The following CLEC4A variants were observed in gnomAD, a reference collection of about 807,000 sequenced individuals.
CLEC4A encodes the protein C-type lectin domain family 4 member A.
In CLEC4A, 27 loss-of-function variants were observed where a neutral mutation model predicts 32.7. The observed-to-expected ratio is 0.83, with a 90% CI of 0.61 to 1.14. The LOEUF (loss-of-function observed/expected upper bound fraction) is 1.14. Ranked by LOEUF, CLEC4A falls within the 50% of genes most tolerant of loss-of-function variation. CLEC4A has a pLI of 0.00. For missense variants in CLEC4A, 253 were observed against 274.6 expected, an observed-to-expected ratio of 0.92 and a Z score of 0.55; for synonymous variants, 89 against 93.7, an observed-to-expected ratio of 0.95 and a Z score of 0.29.
chr12:8,109,828 G>C, the CLEC4A span, among the ~76,000 whole-genome samples: 2 of 152,030 alleles, frequency 1.3e-5, no homozygotes, highest in African/African-American at 4.8e-5. Context: ...GGCTCTCCAG[G>C]TGTGTAATGG....
intron 3 of CLEC4A, among the ~76,000 whole-genome samples, chr12:8,130,520 C>A (rs1947979920): frequency 6.6e-6 from 1 of 151,784 alleles, no homozygotes; most frequent in Non-Finnish European, 1.5e-5. Flanking sequence ...CAAAGGTGCC[C>A]ACTACCACAC....
At chr12:8,136,713 G>A in intron 4 of CLEC4A, 75 bp from the exon 5 acceptor site, 2 of 859,442 alleles carry the variant, frequency 2.3e-6, no homozygotes. Flanking sequence ...TTTTCTTCTT[G>A]TTTCTCTAAG....
rs114360664 is a variant in CLEC4A at position 8,138,214 on chromosome 12, G to T, written c.641G>T (p.Arg214Ile). 2,005 of 1,614,204 alleles carry T rather than the reference G, an allele frequency of 1.2e-3. 25 individuals carry two copies. In the African/African-American group the frequency reaches 0.024, roughly 20 times the overall value. ...VVLNFRKSPK[R>I]WGWNDVNCLG... is the part of the protein sequence containing the mutation. ...CTAAATTTTCGTAAATCACCCAAAA[G>T]ATGGGGCTGGAATGATGTTAATTGT... Residue 214 changes from arginine (R) to isoleucine (I), a missense_variant, in exon 6 of 6, where the codon AGA becomes ATA. By Grantham distance (97) the Arg-to-Ile change is moderately conservative. Coordinates refer to ENST00000229332, the MANE Select transcript of CLEC4A (RefSeq NM_016184.4).
In CLEC4A at chr12:8,138,207, C is replaced by T. The variant is rs760500905; in HGVS notation, c.634C>T (p.Pro212Ser). The T allele has an allele frequency of 6.2e-7, 1 of 1,614,150 alleles. No individual in the cohort carries two copies. The highest frequency in any genetic ancestry group is 8.5e-7 in the Non-Finnish European group (1 of 1,180,026). Residue 212 changes from proline (P) to serine (S), a missense_variant, in exon 6 of 6, where the codon CCC becomes TCC. Transcript: ENST00000229332. Reference protein sequence around the residue: ...RCVVLNFRKSPKRWGWNDVNC... With the variant: ...RCVVLNFRKSSKRWGWNDVNC... ...CGTTGTGCTAAATTTTCGTAAATCA[C>T]CCAAAAGATGGGGCTGGAATGATGT... is the stretch of plus-strand genomic sequence containing the variant.
the CLEC4A span, among the ~76,000 whole-genome samples, chr12:8,110,085 C>T: frequency 6.6e-6 from 1 of 152,134 alleles, no homozygotes; most frequent in Non-Finnish European, 1.5e-5. Context: ...TATACCTTTT[C>T]ACATAAGTAA....
chr12:8,114,836 C>T, the CLEC4A span, among the ~76,000 whole-genome samples: 1 of 152,208 alleles, frequency 6.6e-6, no homozygotes, highest in East Asian at 1.9e-4. Context: ...AGATGACTCT[C>T]AGCTCATGAA....
At chr12:8,121,218 T>A (rs766095372), upstream of CLEC4A, 2 of 152,352 alleles carry the variant, frequency 1.3e-5, no homozygotes, top group South Asian at 4.1e-4. Flanking sequence ...AGCTATAGTT[T>A]TAGGAATATG....
chr12:8,130,176 A>G (rs1947973958), intron 3 of CLEC4A, among the ~76,000 whole-genome samples: 1 of 152,140 alleles, frequency 6.6e-6, no homozygotes, highest in African/African-American at 2.4e-5. Flanking sequence ...TAATTTGTCT[A>G]TGGAAAAAAA....
At chr12:8,133,796 A>G in intron 3 of CLEC4A, 2 of 1,584,386 alleles carry the variant, frequency 1.3e-6, no homozygotes, top group South Asian at 2.3e-5. Context: ...GGGAGAGCCC[A>G]GAGTGGTGAC....
chr12:8,134,447 C>G lies in CLEC4A; in HGVS notation c.299-1138C>G, dbSNP rs746919565. ...TCTGCAGAGCTTTGATGTCCTGGGA[C>G]TCCTCCGGGTTTTGCTCCAGCTTCT... On this transcript the variant is annotated intron_variant, in intron 3 of 5. Coordinates refer to ENST00000229332, the MANE Select transcript of CLEC4A (RefSeq NM_016184.4). 131 of 1,613,346 alleles carry G rather than the reference C, an allele frequency of 8.1e-5. 2 individuals carry two copies. The South Asian group carries it at 1.3e-3, about 16-fold the overall frequency.
chr12:8,110,912 C>T, the CLEC4A span, among the ~76,000 whole-genome samples: 33 of 151,060 alleles, frequency 2.2e-4, no homozygotes, highest in African/African-American at 6.8e-4. Flanking sequence ...CTCGCTCTGT[C>T]GCCCAGGCTG....
chr12:8,131,180 T>G (rs961580358), intron 3 of CLEC4A, among the ~76,000 whole-genome samples: 5 of 152,236 alleles, frequency 3.3e-5, no homozygotes, highest in Admixed American at 6.5e-5. Flanking sequence ...ATCAAAATGA[T>G]TCTTGACTAT....
chr12:8,112,323 A>G, the CLEC4A span, among the ~76,000 whole-genome samples: 1 of 152,148 alleles, frequency 6.6e-6, no homozygotes, highest in African/African-American at 2.4e-5. Context: ...CCCATCACTC[A>G]GGTAGTGAGC....
At chr12:8,125,794 G>T in intron 2 of CLEC4A, 117 bp downstream of exon 2, 1 of 665,524 alleles carries the variant, frequency 1.5e-6, no homozygotes, top group Non-Finnish European at 2.6e-6. Flanking sequence ...AATTTTCTCT[G>T]GGGAGACATA....
chr12:8,130,832 A>G (rs1364320837), intron 3 of CLEC4A, among the ~76,000 whole-genome samples: 1 of 152,198 alleles, frequency 6.6e-6, no homozygotes, highest in Non-Finnish European at 1.5e-5. Flanking sequence ...TAATCAACTA[A>G]TATTGGTATA....
chr12:8,126,740 T>C (rs1327158109), intron 2 of CLEC4A, among the ~76,000 whole-genome samples: 3 of 151,986 alleles, frequency 2.0e-5, no homozygotes, highest in Non-Finnish European at 2.9e-5. Context: ...AGTTAAGAAG[T>C]ATAATAAGTG....
intron 3 of CLEC4A, chr12:8,134,147 C>G: frequency 3.1e-6 from 5 of 1,606,712 alleles, no homozygotes; most frequent in Non-Finnish European, 4.3e-6. Flanking sequence ...GTTCTCGATA[C>G]TGGTTCGCTT....
At chr12:8,105,859 T>C in the CLEC4A span, among the ~76,000 whole-genome samples, 1 of 152,232 alleles carries the variant, frequency 6.6e-6, no homozygotes, top group African/African-American at 2.4e-5. Flanking sequence ...CTGTGAATAG[T>C]TTATTTTGCT....
the CLEC4A span, among the ~76,000 whole-genome samples, chr12:8,116,952 G>A: frequency 6.6e-5 from 10 of 152,270 alleles, no homozygotes; most frequent in East Asian, 1.9e-3. Flanking sequence ...TTTTCACTTA[G>A]GAGACATAGC....
Sources: allele counts gnomAD v4.1 joint callset (sites outside exome capture counted in the v4.1 genomes callset), GRCh38; gene constraint gnomAD v4.1.1; transcripts MANE v1.5; gene names NCBI Gene and HGNC (gene_info 2026-07-23, HGNC 2026-07-21).